Variants in STOX2 observed in about 807,000 individuals in gnomAD.
STOX2 encodes the protein storkhead box 2, also known as storkhead-box protein 2.
In STOX2, 28 loss-of-function variants were observed where a neutral mutation model predicts 60.9. The observed-to-expected ratio is 0.46, with a 90% CI of 0.34 to 0.63. The LOEUF (loss-of-function observed/expected upper bound fraction) is 0.63, where lower values mean the gene tolerates loss of function less well. Ranked by LOEUF, STOX2 falls within the 30% of genes least tolerant of loss-of-function variation. The probability of loss-of-function intolerance (pLI) is 0.01; values close to 1 mark genes in which losing one functional copy is unlikely to be tolerated. For synonymous variants in STOX2, 472 were observed against 463.9 expected (o/e 1.02, Z -0.22); for missense variants, 1,024 against 1,187.7 (o/e 0.86, Z 2.03).
At chr4:183,981,727 G>A (rs753910839) in intron 1 of STOX2, among the ~76,000 whole-genome samples, 8 of 152,152 alleles carry the variant, frequency 5.3e-5, no homozygotes, top group Non-Finnish European at 1.2e-4. Context: ...CCACAATGTG[G>A]TATGGAAAAA....
chr4:183,912,217 G>C (rs1292882265), intron 1 of STOX2, among the ~76,000 whole-genome samples: 1 of 152,130 alleles, frequency 6.6e-6, no homozygotes, highest in Non-Finnish European at 1.5e-5. Context: ...TATGTCCCCA[G>C]AGGGCTTTGA....
chr4:183,957,503 T>G (rs1325183134), intron 1 of STOX2, among the ~76,000 whole-genome samples: 1 of 123,412 alleles, frequency 8.1e-6, no homozygotes, highest in Non-Finnish European at 1.6e-5. Context: ...ATAAGCACTG[T>G]CCTTTCTAAG....
At chr4:183,885,016 CAT>C (rs1205581356) in intron 1 of STOX2, among the ~76,000 whole-genome samples, 2 of 152,286 alleles carry the variant, frequency 1.3e-5, no homozygotes, top group East Asian at 1.9e-4. Flanking sequence ...AGCGCAGAGA[CAT>C]GTGAGCTGAA....
intron 1 of STOX2, chr4:183,853,798 T>G (rs1740224493): frequency 6.6e-6 from 1 of 152,218 alleles, no homozygotes; most frequent in South Asian, 2.1e-4. Context: ...CTGTACATTT[T>G]ACAGACCTCT....
At position 183,934,185 on chromosome 4, in the gene STOX2, C is replaced by T. The variant is rs1037034143; in HGVS notation, c.166+27229C>T. Reference sequence around the variant, plus strand: ...GGGCATGGTGGCAGGTGCCTGTAATCCCAGCTACCTGGGAGGCTGAGTTAG... The same window carrying T: ...GGGCATGGTGGCAGGTGCCTGTAATTCCAGCTACCTGGGAGGCTGAGTTAG... On this transcript the variant is annotated intron_variant, in intron 1 of 3. Transcript: ENST00000308497. 7.9e-5 allele frequency among the ~76,000 whole-genome samples: 12 copies of T among 152,148 alleles called. No individual in the cohort carries two copies. In the East Asian group the frequency reaches 2.1e-3, roughly 27 times the overall value.
Position 184,011,646 on chromosome 4 carries a change from T to C in STOX2, c.2585+223T>C. 1.3e-6 allele frequency: 2 copies of C among 1,500,730 alleles called. No homozygotes were observed. The highest frequency in any genetic ancestry group is 1.8e-6 in the Non-Finnish European group (2 of 1,128,618). 93.0% of individuals were successfully genotyped at this position (1,500,730 alleles called of 1,614,324 possible). A position where few individuals can be genotyped will look rare whatever the true frequency, so the allele number is the denominator to read the frequency against. On this transcript the variant is annotated intron_variant, in intron 3 of 3. Transcript: ENST00000308497. The surrounding 1 kb of genome is among the most constrained non-coding windows in gnomAD (Gnocchi z 4.4). Reference sequence around the variant, plus strand: ...CACCAATCTGGACTGGTGGGTTGGCTCCTCCCCTCAAACTTGCATCAGTCT... The same window carrying C: ...CACCAATCTGGACTGGTGGGTTGGCCCCTCCCCTCAAACTTGCATCAGTCT...
intron 1 of STOX2, among the ~76,000 whole-genome samples, chr4:183,970,181 T>TGTGTGGGG (rs779582388): frequency 5.1e-5 from 7 of 136,402 alleles, no homozygotes; most frequent in African/African-American, 1.4e-4. Context: ...TGTGTGTGTG[T>TGTGTGGGG]GGGGTTCCAG....
At chr4:183,876,254 C>T (rs1192528244) in intron 1 of STOX2, among the ~76,000 whole-genome samples, 1 of 152,174 alleles carries the variant, frequency 6.6e-6, no homozygotes, top group Non-Finnish European at 1.5e-5. Context: ...GATGCATTAC[C>T]CCTGACTTGG....
chr4:183,939,058 C>A (rs2111126416), intron 1 of STOX2, among the ~76,000 whole-genome samples: 1 of 152,328 alleles, frequency 6.6e-6, no homozygotes, highest in East Asian at 1.9e-4. Flanking sequence ...AGATTTTGGA[C>A]TTGTAAAAGC....
chr4:183,837,257 CA>C (rs1191595339), intron 1 of STOX2, among the ~76,000 whole-genome samples: 1 of 152,100 alleles, frequency 6.6e-6, no homozygotes, highest in African/African-American at 2.4e-5. Flanking sequence ...AATTCAGTAA[CA>C]TTAAATACAT....
At position 183,976,569 on chromosome 4, in the gene STOX2, G is replaced by A. The variant is rs186090089; in HGVS notation, c.167-24756G>A. On this transcript the variant is annotated intron_variant, in intron 1 of 3. Transcript: ENST00000308497. ...AGACTACTAGAGGGGGAGGGAGGGA[G>A]GGAGGAGGGCATGGATTAAAAATTA... is the stretch of plus-strand genomic sequence containing the variant. 9.8e-3 allele frequency among the ~76,000 whole-genome samples: 1,490 copies of A among 152,050 alleles called. 13 individuals are homozygous for A. The highest frequency in any genetic ancestry group is 0.02 in the Middle Eastern group (6 of 294).
Position 183,824,335 on chromosome 4 carries a change from G to A in STOX2, c.364+26280G>A, listed in dbSNP as rs548204213. On this transcript the variant is annotated intron_variant, in intron 1 of 2. Coordinates refer to the STOX2 transcript ENST00000513034. ...ATTTTATTATAAATTATTTCTCACC[G>A]ACATTCTACTTTCATTTAAGGCTAT... Among the ~76,000 whole-genome samples the A allele has an allele frequency of 1.5e-4, 23 of 151,972 alleles. No homozygotes were observed. In the South Asian group the frequency reaches 3.5e-3, roughly 23 times the overall value.
intron 1 of STOX2, among the ~76,000 whole-genome samples, chr4:183,882,802 T>A (rs551783226): frequency 6.6e-6 from 1 of 152,320 alleles, no homozygotes; most frequent in African/African-American, 2.4e-5. Flanking sequence ...AGAGACAGGC[T>A]TAAGGTCACA....
At position 183,856,236 on chromosome 4, in the gene STOX2, C is replaced by T. The variant is rs1477397422; in HGVS notation, c.364+58181C>T. Among the ~76,000 whole-genome samples, 1 of 152,052 alleles carries T rather than the reference C, an allele frequency of 6.6e-6. No homozygotes were observed. The highest frequency in any genetic ancestry group is 1.5e-5 in the Non-Finnish European group (1 of 68,010). On this transcript the variant is annotated intron_variant, in intron 1 of 2. Coordinates refer to the STOX2 transcript ENST00000513034. This position sits in a 1 kb window ranked among gnomAD's most constrained non-coding sequence, Gnocchi z 4.0. The stretch of plus-strand genomic sequence containing the variant: ...CAAGAGTCCAGAAAGGCTCACGGCC[C>T]CTTTCACACATGTCGACATTACTCC...
chr4:183,924,339 A>G (rs752773304), intron 1 of STOX2, among the ~76,000 whole-genome samples: 17 of 152,250 alleles, frequency 1.1e-4, no homozygotes, highest in Admixed American at 1.3e-4. Flanking sequence ...GGGGCTGAGT[A>G]AGGGGGGCTG....
chr4:183,835,475 C>T (rs1408165967), intron 1 of STOX2, among the ~76,000 whole-genome samples: 4 of 152,102 alleles, frequency 2.6e-5, no homozygotes, highest in Admixed American at 6.5e-5. Context: ...CCACCTGCCT[C>T]GGCCTCCCAA....
rs377318137 is a variant in STOX2, at chr4:183,980,082, TTA to T, written c.167-21241_167-21240del. ...AATCACTGTGATCTTAGAAAACAAA[TTA>T]TGTTATTTTTATTCATTCAGAGAGA... On this transcript the variant is annotated intron_variant, in intron 1 of 3. Transcript: ENST00000308497. 2.7e-3 allele frequency among the ~76,000 whole-genome samples: 411 copies of T among 152,282 alleles called. 1 individual carries two copies. Among genetic ancestry groups the T allele is most frequent in the African/African-American group, 9.4e-3 (392 of 41,538 alleles).
At chr4:183,937,427 G>A (rs924740482) in intron 1 of STOX2, among the ~76,000 whole-genome samples, 1 of 152,178 alleles carries the variant, frequency 6.6e-6, no homozygotes, top group Non-Finnish European at 1.5e-5. Context: ...CGACGCTCAG[G>A]AAGCCATATG....
At chr4:183,840,202 C>T (rs545577208) in intron 1 of STOX2, among the ~76,000 whole-genome samples, 3 of 152,204 alleles carry the variant, frequency 2.0e-5, no homozygotes, top group Non-Finnish European at 2.9e-5. Context: ...TAGATTGGAA[C>T]GTTCTAATAC....
Sources: gnomAD v4.1 joint callset for allele counts (sites outside exome capture counted in the v4.1 genomes callset) on GRCh38, gnomAD v4.1.1 for gene constraint, Gnocchi (gnomAD v3.1) non-coding constraint, MANE v1.5 for transcripts, NCBI Gene and HGNC (gene_info 2026-07-23, HGNC 2026-07-21) for gene names.